Variants in FAM227B observed in about 807,000 individuals in gnomAD.
The protein encoded by FAM227B is protein FAM227B.
Under a neutral mutation model 73.8 loss-of-function variants are expected in FAM227B, and 88 were observed. The observed-to-expected ratio is 1.19, with a 90% confidence interval of 1.00 to 1.42. The LOEUF (loss-of-function observed/expected upper bound fraction) is 1.42, where lower values mean the gene tolerates loss of function less well. FAM227B is among the 40% of genes most tolerant of loss of function. FAM227B has a pLI of 0.00. For synonymous variants in FAM227B, 210 were observed against 190.5 expected, an observed-to-expected ratio of 1.10 and a Z score of -0.84; for missense variants, 632 against 590.9, an observed-to-expected ratio of 1.07 and a Z score of -0.72.
intron 5 of FAM227B, among the ~76,000 whole-genome samples, chr15:49,580,065 T>C (rs1358349488): frequency 6.6e-6 from 1 of 152,174 alleles, no homozygotes; most frequent in African/African-American, 2.4e-5. Context: ...TCATATAACC[T>C]GAAAACGAGA....
At chr15:49,443,897 T>C (rs977839654) in intron 11 of FAM227B, among the ~76,000 whole-genome samples, 2 of 148,766 alleles carry the variant, frequency 1.3e-5, no homozygotes, top group Non-Finnish European at 1.5e-5. Context: ...TGTGTGCATA[T>C]ATATGTACAC....
chr15:49,454,703 G>A lies in FAM227B; in HGVS notation c.1012+53508C>T, dbSNP rs1351562443. 3.9e-5 allele frequency among the ~76,000 whole-genome samples: 6 copies of A among 152,098 alleles called. No homozygotes were observed. The South Asian group carries it at 1.0e-3, about 26-fold the overall frequency. ...CAGCTCACTGCAACCTCTGCCTCCC[G>A]AATTCAAGCGATTCTCCTGCCTCAG... On this transcript the variant is annotated intron_variant, in intron 11 of 15. Transcript: ENST00000299338.
rs556851444 is a variant in FAM227B at position 49,347,899 on chromosome 15, G to A, written c.1272-12403C>T. Among the ~76,000 whole-genome samples the A allele has an allele frequency of 4.6e-5, 7 of 151,828 alleles. No homozygotes were observed. In the East Asian group the frequency reaches 1.4e-3, roughly 30 times the overall value. On this transcript the variant is annotated intron_variant, in intron 13 of 15. Transcript: ENST00000299338. ...CTGGGCGTGGTGGCAGATGCCTGTA[G>A]TCCCAGCTACTCGGGAGGCTGAGGC...
chr15:49,582,456 C>G (rs923868068), intron 5 of FAM227B, among the ~76,000 whole-genome samples: 2 of 152,188 alleles, frequency 1.3e-5, no homozygotes, highest in African/African-American at 4.8e-5. Flanking sequence ...GCACCCAACA[C>G]AGGAGAACCC....
intron 3 of FAM227B, among the ~76,000 whole-genome samples, chr15:49,607,223 A>G (rs2077576792): frequency 1.3e-5 from 2 of 152,186 alleles, no homozygotes; most frequent in African/African-American, 4.8e-5. Context: ...TAACACTGCA[A>G]AACTTTTCCA....
intron 11 of FAM227B, 63 bp downstream of exon 11, chr15:49,508,148 A>G (rs2058715603): frequency 1.3e-6 from 2 of 1,519,178 alleles, no homozygotes; most frequent in Non-Finnish European, 1.8e-6. Flanking sequence ...ATTCTGCCTA[A>G]TAAATAAATT....
chr15:49,452,187 G>A (rs1306772485), intron 11 of FAM227B, among the ~76,000 whole-genome samples: 2 of 151,960 alleles, frequency 1.3e-5, no homozygotes, highest in Non-Finnish European at 2.9e-5. Flanking sequence ...CACTACAGGT[G>A]CATGCTACCA....
intron 10 of FAM227B, among the ~76,000 whole-genome samples, chr15:49,537,905 C>A (rs952976991): frequency 6.6e-5 from 10 of 151,796 alleles, no homozygotes. Context: ...GTTACCGGGA[C>A]CAGGCAAGGT....
chr15:49,365,855 T>C (rs1015878649), intron 13 of FAM227B: 1 of 901,040 alleles, frequency 1.1e-6, no homozygotes, highest in African/African-American at 1.6e-5. Context: ...CACTCAATTG[T>C]GCATTGTCCA....
intron 11 of FAM227B, among the ~76,000 whole-genome samples, chr15:49,413,177 C>T (rs1390615396): frequency 6.6e-6 from 1 of 152,078 alleles, no homozygotes; most frequent in Admixed American, 6.6e-5. Context: ...CCATAATTCC[C>T]ACATGTTGTG....
chr15:49,383,916 A>G lies in FAM227B; in HGVS notation c.1013-12517T>C, dbSNP rs542444126. On this transcript the variant is annotated intron_variant, in intron 11 of 15. Transcript: ENST00000299338. ...CTACCATTTGTCATTCTCCCCCCAAATACAGGAGACACCTGGCTTTGAATG... is the reference window on the plus strand; with the variant it reads ...CTACCATTTGTCATTCTCCCCCCAAGTACAGGAGACACCTGGCTTTGAATG... Among the ~76,000 whole-genome samples the G allele has an allele frequency of 1.1e-4, 16 of 152,140 alleles. No homozygotes were observed. In the Middle Eastern group the frequency reaches 0.01, roughly 97 times the overall value.
intron 2 of FAM227B, 66 bp from the exon 3 acceptor site, chr15:49,611,334 A>G: frequency 3.8e-6 from 3 of 799,128 alleles, no homozygotes; most frequent in Non-Finnish European, 6.0e-6. Flanking sequence ...ATATTTACAA[A>G]TAATTTACTT....
At chr15:49,477,872 T>C (rs2055499181) in intron 11 of FAM227B, among the ~76,000 whole-genome samples, 1 of 152,224 alleles carries the variant, frequency 6.6e-6, no homozygotes, top group Non-Finnish European at 1.5e-5. Context: ...GTCACGCTAA[T>C]AGTTGTACAG....
chr15:49,484,423 T>C (rs1482591766), intron 11 of FAM227B: 1 of 1,591,546 alleles, frequency 6.3e-7, no homozygotes, highest in Non-Finnish European at 8.5e-7. Context: ...TTGCCTTAAA[T>C]CAAAAGGGGA....
At chr15:49,605,363 C>T (rs2077450245) in intron 3 of FAM227B, among the ~76,000 whole-genome samples, 1 of 152,148 alleles carries the variant, frequency 6.6e-6, no homozygotes, top group South Asian at 2.1e-4. Flanking sequence ...GGTGGTATTA[C>T]CTCTTGGGTC....
At chr15:49,400,937 A>G (rs1474523863) in intron 11 of FAM227B, among the ~76,000 whole-genome samples, 1 of 152,132 alleles carries the variant, frequency 6.6e-6, no homozygotes, top group East Asian at 1.9e-4. Flanking sequence ...GGACATAGGC[A>G]TGGGCAAGGA....
chr15:49,484,205 T>A (rs2056203717), intron 11 of FAM227B: 1 of 712,916 alleles, frequency 1.4e-6, no homozygotes, highest in African/African-American at 1.8e-5. Flanking sequence ...TAAAAAAAGT[T>A]GTGTATGTTT....
chr15:49,382,553 C>A (rs1009765136), intron 11 of FAM227B, among the ~76,000 whole-genome samples: 2 of 152,082 alleles, frequency 1.3e-5, no homozygotes, highest in African/African-American at 4.8e-5. Flanking sequence ...TACCTAAATA[C>A]TGCAAAAGTA....
chr15:49,588,547 CTATATATATATATATATATATATA>C lies in FAM227B; in HGVS notation c.338-488_338-465del, dbSNP rs71120695. Reference sequence around the variant, plus strand: ...AGTTCTGATATCTACATATTGAGGACTATATATATATATATATATATATATATATATATATATATATATATATAT... The same window carrying C: ...AGTTCTGATATCTACATATTGAGGACTATATATATATATATATATATATAT... On this transcript the variant is annotated intron_variant, in intron 4 of 15. Transcript: ENST00000299338. Among the ~76,000 whole-genome samples, 334 of 38,060 alleles carry C rather than the reference CTATATATATATATATATATATATA, an allele frequency of 8.8e-3. 9 individuals are homozygous for C. Among genetic ancestry groups the C allele is most frequent in the African/African-American group, 0.022 (246 of 11,298 alleles). 25.0% of individuals were successfully genotyped at this position (38,060 alleles called of 152,430 possible).
Sources: gnomAD v4.1 joint callset for allele counts (sites outside exome capture counted in the v4.1 genomes callset) on GRCh38, gnomAD v4.1.1 for gene constraint, MANE v1.5 for transcripts, NCBI Gene and HGNC (gene_info 2026-07-23, HGNC 2026-07-21) for gene names.